The following CSMD2 variants were observed in gnomAD, a reference collection of about 807,000 sequenced individuals.
The protein encoded by CSMD2 is CUB and Sushi multiple domains 2.
CSMD2 carries 130 observed loss-of-function variants against 398.5 expected under a neutral mutation model. That is an observed-to-expected ratio of 0.33 (90% CI 0.28 to 0.38). CSMD2 has a LOEUF of 0.38. CSMD2 is among the 10% of genes least tolerant of loss of function. The pLI is 1.00. For missense variants in CSMD2, 3,829 were observed against 4,764.9 expected, an observed-to-expected ratio of 0.80 and a Z score of 5.78; for synonymous variants, 1,828 against 1,908.5, an observed-to-expected ratio of 0.96 and a Z score of 1.10.
intron 44 of CSMD2, among the ~76,000 whole-genome samples, chr1:33,592,924 G>A (rs1001927017): frequency 1.3e-5 from 2 of 150,716 alleles, no homozygotes; most frequent in Non-Finnish European, 3.0e-5. Flanking sequence ...ACTCCAGCCT[G>A]GGCAACAGAG....
intron 13 of CSMD2, among the ~76,000 whole-genome samples, chr1:33,745,136 T>C (rs570943801): frequency 1.3e-5 from 2 of 152,342 alleles, no homozygotes; most frequent in Admixed American, 6.5e-5. Flanking sequence ...AATATGACCC[T>C]GTAGAAAGAA....
chr1:33,562,654 A>G (rs924685073), intron 53 of CSMD2, among the ~76,000 whole-genome samples: 3 of 152,342 alleles, frequency 2.0e-5, no homozygotes, highest in Non-Finnish European at 4.4e-5. Context: ...ACATTAGTCC[A>G]CATTATTCTA....
At chr1:34,057,532 C>G (rs548399232) in intron 2 of CSMD2, among the ~76,000 whole-genome samples, 1 of 152,142 alleles carries the variant, frequency 6.6e-6, no homozygotes, top group South Asian at 2.1e-4. Flanking sequence ...CAGTCCCCGC[C>G]CCCTCCCGGC....
intron 2 of CSMD2, among the ~76,000 whole-genome samples, chr1:34,051,851 T>G (rs1282469222): frequency 6.6e-6 from 1 of 152,156 alleles, no homozygotes; most frequent in East Asian, 1.9e-4. Context: ...TGCCCAGATA[T>G]TTGGTTAAAC....
At chr1:33,753,570 G>A (rs886162292) in intron 13 of CSMD2, among the ~76,000 whole-genome samples, 5 of 152,246 alleles carry the variant, frequency 3.3e-5, no homozygotes, top group Non-Finnish European at 7.3e-5. Flanking sequence ...AGTCCCACCA[G>A]TGAAGTGCCT....
chr1:33,614,381 A>G, intron 40 of CSMD2, 123 bp downstream of exon 40: 2 of 673,696 alleles, frequency 3.0e-6, no homozygotes, highest in Non-Finnish European at 2.8e-6. Flanking sequence ...ATGAGAAAAC[A>G]GAGAGGCAGA....
At chr1:33,897,881 G>C (rs1002414274) in intron 5 of CSMD2, among the ~76,000 whole-genome samples, 1 of 152,222 alleles carries the variant, frequency 6.6e-6, no homozygotes, top group African/African-American at 2.4e-5. Flanking sequence ...AGACCCGACG[G>C]AGGAGGTATT....
chr1:33,535,077 C>T (rs1450473617), intron 62 of CSMD2, among the ~76,000 whole-genome samples: 5 of 152,222 alleles, frequency 3.3e-5, no homozygotes, highest in Admixed American at 2.6e-4. Context: ...ATCCAAAATA[C>T]TTATCATGGC....
At chr1:33,686,210 G>A (rs1461553215) in intron 25 of CSMD2, among the ~76,000 whole-genome samples, 1 of 152,182 alleles carries the variant, frequency 6.6e-6, no homozygotes, top group East Asian at 1.9e-4. Flanking sequence ...TTCTTTTCCA[G>A]TTTTCATCTG....
intron 3 of CSMD2, among the ~76,000 whole-genome samples, chr1:33,999,460 T>C (rs976696315): frequency 6.6e-6 from 1 of 152,166 alleles, no homozygotes. Flanking sequence ...AGCGAGATCA[T>C]AGCTCACTTA....
At chr1:33,994,797 G>T (rs1220665744) in intron 3 of CSMD2, among the ~76,000 whole-genome samples, 1 of 152,104 alleles carries the variant, frequency 6.6e-6, no homozygotes, top group Non-Finnish European at 1.5e-5. Flanking sequence ...CGGGCACGGT[G>T]GCTCATGTCT....
At chr1:33,735,642 G>A (rs187902334) in intron 15 of CSMD2, among the ~76,000 whole-genome samples, 16 of 152,208 alleles carry the variant, frequency 1.1e-4, no homozygotes, top group Admixed American at 7.9e-4. Context: ...AAAGTTTGCC[G>A]ACCCCTGCTT....
intron 15 of CSMD2, among the ~76,000 whole-genome samples, chr1:33,733,833 T>G (rs1030293810): frequency 2.6e-5 from 4 of 152,198 alleles, no homozygotes; most frequent in Non-Finnish European, 5.9e-5. Flanking sequence ...ATTAAACCTT[T>G]CCTTTATAAA....
intron 38 of CSMD2, among the ~76,000 whole-genome samples, chr1:33,617,236 T>C (rs1428095935): frequency 6.6e-6 from 1 of 152,264 alleles, no homozygotes; most frequent in Non-Finnish European, 1.5e-5. Flanking sequence ...AATTCCCTGA[T>C]GGCCTTCAAA....
intron 5 of CSMD2, 63 bp from the exon 6 acceptor site, chr1:33,847,059 T>C: frequency 9.2e-7 from 1 of 1,090,494 alleles, no homozygotes; most frequent in South Asian, 1.4e-5. Flanking sequence ...TGTATGAGCA[T>C]TCAGGAGTTC....
At chr1:34,050,610 A>C (rs1445529609) in intron 2 of CSMD2, among the ~76,000 whole-genome samples, 1 of 152,222 alleles carries the variant, frequency 6.6e-6, no homozygotes, top group African/African-American at 2.4e-5. Context: ...GTTCTCCAGA[A>C]GGCTGTATAT....
At chr1:33,797,719 G>A (rs1349399661) in intron 10 of CSMD2, among the ~76,000 whole-genome samples, 1 of 152,140 alleles carries the variant, frequency 6.6e-6, no homozygotes, top group Non-Finnish European at 1.5e-5. Context: ...AACACCACAA[G>A]GCAGGTAGTG....
intron 5 of CSMD2, among the ~76,000 whole-genome samples, chr1:33,899,852 G>T (rs1642634893): frequency 1.3e-5 from 2 of 152,216 alleles, no homozygotes; most frequent in African/African-American, 4.8e-5. Context: ...TCAGGGTACT[G>T]CCAAATGGCC....
At chr1:33,530,800 G>T (rs764078558) in intron 64 of CSMD2, among the ~76,000 whole-genome samples, 7 of 152,186 alleles carry the variant, frequency 4.6e-5, no homozygotes, top group Non-Finnish European at 1.0e-4. Flanking sequence ...TGACCACAGG[G>T]ATAACCTGGA....
Sources: gnomAD v4.1 joint callset for allele counts (sites outside exome capture counted in the v4.1 genomes callset) on GRCh38, gnomAD v4.1.1 for gene constraint, MANE v1.5 for transcripts, NCBI Gene and HGNC (gene_info 2026-07-23, HGNC 2026-07-21) for gene names.